Variants in SHANK2 observed in about 807,000 individuals in gnomAD.
SHANK2 encodes the protein SH3 and multiple ankyrin repeat domains protein 2.
SHANK2 carries 43 observed loss-of-function variants against 133.7 expected under a neutral mutation model. That is an observed-to-expected ratio of 0.32 (90% CI 0.25 to 0.41). The LOEUF is 0.41. SHANK2 is among the 10% of genes least tolerant of loss of function. SHANK2 has a pLI of 1.00. For synonymous variants in SHANK2, 1,017 were observed against 952.8 expected (o/e 1.07, Z -1.24); for missense variants, 1,994 against 2,235.8 (o/e 0.89, Z 2.18).
At chr11:70,599,283 C>T (rs955129105) in intron 17 of SHANK2, among the ~76,000 whole-genome samples, 2 of 152,020 alleles carry the variant, frequency 1.3e-5, no homozygotes, top group Admixed American at 6.6e-5. Flanking sequence ...TGCAGAAGCT[C>T]TTTGTGGAGA....
chr11:71,234,542 C>T (rs1426764029), intron 1 of SHANK2, among the ~76,000 whole-genome samples: 1 of 152,114 alleles, frequency 6.6e-6, no homozygotes, highest in African/African-American at 2.4e-5. Flanking sequence ...CAGACTGGTC[C>T]TCCACGTGCT....
At chr11:71,126,847 A>G (rs1352801225) in intron 3 of SHANK2, among the ~76,000 whole-genome samples, 1 of 151,252 alleles carries the variant, frequency 6.6e-6, no homozygotes. Flanking sequence ...GGCTGGGACT[A>G]CAGGTGCCCA....
chr11:71,212,031 ACC>A (rs1363112817), intron 2 of SHANK2, among the ~76,000 whole-genome samples: 1 of 151,896 alleles, frequency 6.6e-6, no homozygotes, highest in Non-Finnish European at 1.5e-5. Context: ...TTTTTGCAAA[ACC>A]CCACCTGCAA....
chr11:70,801,397 G>C (rs1555050474), intron 13 of SHANK2, among the ~76,000 whole-genome samples: 2 of 152,168 alleles, frequency 1.3e-5, no homozygotes, highest in African/African-American at 4.8e-5. Flanking sequence ...ATGGAGGAGG[G>C]GGCCCCTTCT....
chr11:70,746,034 C>T (rs1336538278), intron 14 of SHANK2, among the ~76,000 whole-genome samples: 1 of 152,212 alleles, frequency 6.6e-6, no homozygotes, highest in Admixed American at 6.5e-5. Context: ...GGCCTGGGGG[C>T]TTTCATGGGA....
chr11:70,802,397 G>A (rs1406409792), intron 13 of SHANK2, among the ~76,000 whole-genome samples: 1 of 152,072 alleles, frequency 6.6e-6, no homozygotes, highest in Admixed American at 6.6e-5. Context: ...GTACTGGATG[G>A]GTCAGGGGTG....
chr11:70,862,102 C>G (rs1408992575), intron 11 of SHANK2, among the ~76,000 whole-genome samples: 6 of 152,150 alleles, frequency 3.9e-5, no homozygotes, highest in Non-Finnish European at 7.3e-5. Context: ...GACACCTCTC[C>G]CCACGATGCG....
intron 2 of SHANK2, among the ~76,000 whole-genome samples, chr11:71,216,100 G>A (rs184361816): frequency 1.9e-3 from 284 of 152,198 alleles, no homozygotes; most frequent in Middle Eastern, 0.01. Context: ...GACTCCACAC[G>A]GCCCAGCAGC....
At chr11:70,663,911 C>T (rs562915161) in intron 15 of SHANK2, among the ~76,000 whole-genome samples, 1 of 152,194 alleles carries the variant, frequency 6.6e-6, no homozygotes, top group Non-Finnish European at 1.5e-5. Flanking sequence ...CTCAGTTTCC[C>T]TGCACAGCAA....
At chr11:70,821,803 G>C (rs1948529594) in intron 11 of SHANK2, among the ~76,000 whole-genome samples, 4 of 152,210 alleles carry the variant, frequency 2.6e-5, no homozygotes, top group Admixed American at 2.6e-4. Flanking sequence ...CCACTGGCTG[G>C]ATGATTCAAT....
intron 14 of SHANK2, among the ~76,000 whole-genome samples, chr11:70,778,846 T>C (rs1014268081): frequency 2.0e-5 from 3 of 152,100 alleles, no homozygotes; most frequent in Non-Finnish European, 4.4e-5. Flanking sequence ...ACTAAGAAGG[T>C]TTCTAACCCC....
intron 10 of SHANK2, among the ~76,000 whole-genome samples, chr11:70,930,598 T>C (rs1430582231): frequency 2.0e-5 from 3 of 152,086 alleles, no homozygotes; most frequent in Non-Finnish European, 4.4e-5. Context: ...GTAGAGGTCA[T>C]TGGTCTCAGA....
intron 14 of SHANK2, among the ~76,000 whole-genome samples, chr11:70,781,331 C>A (rs185297033): frequency 1.1e-4 from 16 of 151,486 alleles, no homozygotes; most frequent in Non-Finnish European, 1.6e-4. Flanking sequence ...GTGTTGGAAT[C>A]GGGGTCAGGA....
chr11:70,584,792 G>A (rs1184170356), intron 17 of SHANK2, among the ~76,000 whole-genome samples: 12 of 152,138 alleles, frequency 7.9e-5, no homozygotes, highest in African/African-American at 2.4e-4. Flanking sequence ...CGTTGGTCTC[G>A]CCATACCTGA....
At chr11:70,766,316 T>C (rs1947123232) in intron 14 of SHANK2, among the ~76,000 whole-genome samples, 1 of 152,214 alleles carries the variant, frequency 6.6e-6, no homozygotes, top group African/African-American at 2.4e-5. Flanking sequence ...TCTTCTTTAA[T>C]ATGACAGAGA....
In SHANK2 at chr11:70,878,730, C is replaced by T. The variant is rs77253531; in HGVS notation, c.1174+17771G>A. 9.1e-3 allele frequency among the ~76,000 whole-genome samples: 1,386 copies of T among 152,294 alleles called. 24 individuals are homozygous for T. Among genetic ancestry groups the T allele is most frequent in the African/African-American group, 0.032 (1,320 of 41,544 alleles). On this transcript the variant is annotated intron_variant, in intron 11 of 25. Transcript: ENST00000601538. ...ATGAGAGGTGAACTTCCTCCTGCTC[C>T]ATCAAAAGGGACCCTGACAAGCTCT... is the stretch of plus-strand genomic sequence containing the variant.
intron 11 of SHANK2, chr11:70,826,609 G>A (rs548180010): frequency 1.1e-4 from 51 of 457,952 alleles, no homozygotes; most frequent in Non-Finnish European, 2.0e-4. Flanking sequence ...GCTGGGACCC[G>A]GGGAGAGGTG....
rs777946565 is a variant in SHANK2, at chr11:70,698,842, T to C, written c.1778-79A>G. The C allele has an allele frequency of 2.3e-3, 1,611 of 715,976 alleles. 11 individuals are homozygous for C. Among genetic ancestry groups the C allele is most frequent in the Non-Finnish European group, 3.5e-3 (1,338 of 384,902 alleles). 44.4% of individuals were successfully genotyped at this position (715,976 alleles called of 1,614,324 possible). ...CGGAACCCACAGCACATGAGGCTGG[T>C]GGGCCCTCTCACCTACTCCCCAAAA... On this transcript the variant is annotated intron_variant, in intron 14 of 25. Transcript: ENST00000601538.
chr11:70,574,257 C>A (rs574151955), intron 17 of SHANK2, among the ~76,000 whole-genome samples: 27 of 152,232 alleles, frequency 1.8e-4, no homozygotes, highest in Non-Finnish European at 2.9e-4. Flanking sequence ...CCAGCCCATG[C>A]TTGTTTGGGG....
Sources: allele counts gnomAD v4.1 joint callset (sites outside exome capture counted in the v4.1 genomes callset), GRCh38; gene constraint gnomAD v4.1.1; transcripts MANE v1.5; gene names NCBI Gene and HGNC (gene_info 2026-07-23, HGNC 2026-07-21).